The following MEGF10 variants were observed in gnomAD, a reference collection of about 807,000 sequenced individuals.
The protein encoded by MEGF10 is multiple epidermal growth factor-like domains protein 10.
A neutral mutation model predicts 147.5 loss-of-function variants in MEGF10; 86 were observed. That is an observed-to-expected ratio of 0.58 (90% CI 0.49 to 0.70). MEGF10 has a LOEUF of 0.70. Among genes scored for constraint, MEGF10 ranks in the 30% least tolerant of loss-of-function variants. MEGF10 has a pLI of 0.00. For missense variants in MEGF10, 1,329 were observed against 1,487.3 expected (o/e 0.89, Z 1.75); for synonymous variants, 478 against 525.5 (o/e 0.91, Z 1.24).
chr5:127,401,825 AT>A (rs1764145217), intron 7 of MEGF10, among the ~76,000 whole-genome samples: 1 of 152,214 alleles, frequency 6.6e-6, no homozygotes, highest in South Asian at 2.1e-4. Context: ...GCTTGACAAG[AT>A]GGACAGCCTC....
intron 1 of MEGF10, among the ~76,000 whole-genome samples, chr5:127,301,406 A>G (rs1290414059): frequency 6.6e-6 from 1 of 152,050 alleles, no homozygotes; most frequent in Non-Finnish European, 1.5e-5. Context: ...TTTTTCTCCA[A>G]AAGAGAGTTT....
At chr5:127,288,658 C>A (rs1385730178), upstream of MEGF10, among the ~76,000 whole-genome samples, 1 of 152,126 alleles carries the variant, frequency 6.6e-6, no homozygotes, top group Admixed American at 6.5e-5. Flanking sequence ...ATGTTTTCCA[C>A]TTTGGAAAGC....
chr5:127,434,515 T>C (rs1312134283), intron 14 of MEGF10, among the ~76,000 whole-genome samples, 172 bp from the exon 15 acceptor site: 4 of 152,154 alleles, frequency 2.6e-5, no homozygotes. Context: ...CATTAAAGGG[T>C]TCCTTTGTTC....
the MEGF10 span, among the ~76,000 whole-genome samples, chr5:127,252,299 G>A: frequency 1.3e-4 from 19 of 151,496 alleles, no homozygotes; most frequent in African/African-American, 4.4e-4. Flanking sequence ...CATGCAGTGG[G>A]CCTAAAAGTC....
chr5:127,386,715 C>G (rs1231585202), intron 5 of MEGF10, among the ~76,000 whole-genome samples: 1 of 152,180 alleles, frequency 6.6e-6, no homozygotes, highest in Non-Finnish European at 1.5e-5. Context: ...TCCTTTCTGG[C>G]ATGAATGATT....
Position 127,422,811 on chromosome 5 carries a change from C to T in MEGF10, c.1693+39C>T, listed in dbSNP as rs1193317004. On this transcript the variant is annotated intron_variant, in intron 13 of 24. Transcript: ENST00000503335. The stretch of plus-strand genomic sequence containing the variant: ...ACCGCTAATTGAAAGGTGAAACCCG[C>T]CAATTTAACACCTAGTGCTGTTCCT... 4 of 1,429,396 alleles carry T rather than the reference C, an allele frequency of 2.8e-6. No homozygotes were observed. The African/African-American group carries it at 5.6e-5, about 20-fold the overall frequency. The allele number at this position is 1,429,396 out of a possible 1,614,324, so 88.5% of individuals were successfully genotyped here.
the MEGF10 span, among the ~76,000 whole-genome samples, chr5:127,236,933 T>C: frequency 6.6e-6 from 1 of 152,222 alleles, no homozygotes; most frequent in Non-Finnish European, 1.5e-5. Flanking sequence ...CAGCTCAAGC[T>C]GCTGTACCTG....
At chr5:127,336,072 T>C (rs1277894463) in intron 2 of MEGF10, among the ~76,000 whole-genome samples, 1 of 127,178 alleles carries the variant, frequency 7.9e-6, no homozygotes, top group Non-Finnish European at 1.7e-5. Context: ...AACTGAAGCG[T>C]CCACTTAAGT....
intron 5 of MEGF10, among the ~76,000 whole-genome samples, chr5:127,373,759 T>C (rs1445049877): frequency 6.6e-6 from 1 of 152,020 alleles, no homozygotes; most frequent in East Asian, 1.9e-4. Flanking sequence ...AGTAGATAGA[T>C]CTCTAGAGAA....
chr5:127,411,680 G>A (rs887280808), intron 9 of MEGF10, among the ~76,000 whole-genome samples: 9 of 152,102 alleles, frequency 5.9e-5, no homozygotes, highest in East Asian at 3.8e-4. Flanking sequence ...GGTTTTCTTC[G>A]TTGGAAAATA....
chr5:127,376,870 AT>A (rs1763051251), intron 5 of MEGF10, among the ~76,000 whole-genome samples: 1 of 152,180 alleles, frequency 6.6e-6, no homozygotes, highest in Non-Finnish European at 1.5e-5. Flanking sequence ...CTTGCATCTC[AT>A]TCAGAGCCAG....
At chr5:127,356,209 C>T (rs561174568) in intron 4 of MEGF10, among the ~76,000 whole-genome samples, 4 of 152,290 alleles carry the variant, frequency 2.6e-5, no homozygotes, top group Middle Eastern at 3.4e-3. Flanking sequence ...TCTGGTATAG[C>T]GCCGGCCAGC....
At chr5:127,331,069 G>T (rs1761237362) in intron 1 of MEGF10, among the ~76,000 whole-genome samples, 1 of 152,106 alleles carries the variant, frequency 6.6e-6, no homozygotes, top group Admixed American at 6.5e-5. Context: ...ATGATGATTT[G>T]CATATTTTAG....
chr5:127,329,972 C>A (rs1448855656), intron 1 of MEGF10, among the ~76,000 whole-genome samples: 2 of 152,114 alleles, frequency 1.3e-5, no homozygotes, highest in Non-Finnish European at 2.9e-5. Context: ...TTGTAGGTGG[C>A]TTTGCTTGAT....
intron 8 of MEGF10, among the ~76,000 whole-genome samples, chr5:127,403,407 A>G (rs1172959185): frequency 1.3e-5 from 2 of 152,214 alleles, no homozygotes; most frequent in African/African-American, 4.8e-5. Context: ...TGGGGTATCC[A>G]TCCCCTCAAG....
chr5:127,379,067 T>TC (rs1372564449), intron 5 of MEGF10, among the ~76,000 whole-genome samples: 1 of 138,732 alleles, frequency 7.2e-6, no homozygotes, highest in African/African-American at 2.7e-5. Context: ...GATTTTTCTT[T>TC]TTTTTTTTTT....
chr5:127,422,642 G>A (rs541613516), intron 12 of MEGF10, 28 bp from the exon 13 acceptor site: 3 of 1,591,488 alleles, frequency 1.9e-6, no homozygotes, highest in East Asian at 2.2e-5. Context: ...GGCCCTCATT[G>A]CTGCCTTTGA....
In MEGF10 at chr5:127,420,112, T is replaced by G; in HGVS notation, c.1495T>G (p.Cys499Gly). 2 of 1,614,168 alleles carry G rather than the reference T, an allele frequency of 1.2e-6. No homozygotes were observed. Among genetic ancestry groups the G allele is most frequent in the Non-Finnish European group, 1.7e-6 (2 of 1,180,024 alleles). Reference sequence around the variant, plus strand: ...ATGGGGCTTTGGCTGTAACTTAACATGCCAGTGCCTCAACGGGGGAGCCTG... The same window carrying G: ...ATGGGGCTTTGGCTGTAACTTAACAGGCCAGTGCCTCAACGGGGGAGCCTG... Reference protein sequence around the residue: ...GTWGFGCNLTCQCLNGGACNT... With the variant: ...GTWGFGCNLTGQCLNGGACNT... Residue 499 changes from cysteine (C) to glycine (G), a missense_variant, in exon 12 of 25, where the codon TGC becomes GGC. This residue lies in a region of MEGF10 where 980 missense variants were observed against 1,085.9 expected (regional missense o/e 0.90). Coordinates refer to ENST00000503335, the MANE Select transcript of MEGF10 (RefSeq NM_001256545.2).
rs1358881229 is a variant in MEGF10, at chr5:127,407,694, G to A, written c.918-2695G>A. Among the ~76,000 whole-genome samples the A allele has an allele frequency of 3.3e-5, 5 of 152,180 alleles. No individual in the cohort carries two copies. The East Asian group carries it at 9.6e-4, about 29-fold the overall frequency. On this transcript the variant is annotated intron_variant, in intron 8 of 24. Coordinates refer to ENST00000503335, the MANE Select transcript of MEGF10 (RefSeq NM_001256545.2). The stretch of plus-strand genomic sequence containing the variant: ...TTCTGTTCCATTTGGAACCGCAGAA[G>A]CAGCATTAAGGGCATAAAATTTGTT...
Sources: gnomAD v4.1 joint callset for allele counts (sites outside exome capture counted in the v4.1 genomes callset) on GRCh38, gnomAD v4.1.1 for gene constraint, gnomAD v4.1.1 regional missense constraint, MANE v1.5 for transcripts, NCBI Gene and HGNC (gene_info 2026-07-23, HGNC 2026-07-21) for gene names.